Variants in MYOM1 observed in about 807,000 individuals in gnomAD.
The protein encoded by MYOM1 is myomesin-1.
Under a neutral mutation model 205.3 loss-of-function variants are expected in MYOM1, and 164 were observed. The observed-to-expected ratio is 0.80, with a 90% confidence interval of 0.70 to 0.91. The LOEUF is 0.91. Ranked by LOEUF, MYOM1 falls within the 40% of genes least tolerant of loss-of-function variation. The pLI is 0.00. For synonymous variants in MYOM1, 772 were observed against 789.4 expected, an observed-to-expected ratio of 0.98 and a Z score of 0.37; for missense variants, 2,011 against 2,127.3, an observed-to-expected ratio of 0.95 and a Z score of 1.08.
Position 3,140,982 on chromosome 18 carries a change from T to C in MYOM1, c.2025+957A>G, listed in dbSNP as rs115933885. The stretch of plus-strand genomic sequence containing the variant: ...TCTTACATATGGGATAAAATAAACT[T>C]ATTTTCTTTCATTTTCTCAATTATA... On this transcript the variant is annotated intron_variant, in intron 14 of 37. Transcript: ENST00000356443. Among the ~76,000 whole-genome samples the C allele has an allele frequency of 4.0e-3, 609 of 152,330 alleles. 2 individuals are homozygous for C. The highest frequency in any genetic ancestry group is 0.014 in the African/African-American group (579 of 41,572).
intron 37 of MYOM1, among the ~76,000 whole-genome samples, chr18:3,071,330 T>C (rs75819083): frequency 6.6e-6 from 1 of 152,154 alleles, no homozygotes; most frequent in Non-Finnish European, 1.5e-5. Flanking sequence ...TGCCGATGCT[T>C]GACCTATGAA....
intron 29 of MYOM1, among the ~76,000 whole-genome samples, chr18:3,088,819 C>T (rs919511064): frequency 7.9e-5 from 12 of 152,164 alleles, no homozygotes; most frequent in Non-Finnish European, 1.5e-4. Context: ...TGGCAAGGTC[C>T]ACGAAACATT....
In MYOM1 at chr18:3,188,878, G is replaced by T; in HGVS notation, c.641C>A (p.Ser214Tyr). 1 of 1,612,198 alleles carries T rather than the reference G, an allele frequency of 6.2e-7. No homozygotes were observed. Among genetic ancestry groups the T allele is most frequent in the Non-Finnish European group, 8.5e-7 (1 of 1,178,752 alleles). The change falls in exon 4 of 38, where the codon TCC (serine) becomes TAC (tyrosine). Residue 214 changes from serine (S) to tyrosine (Y), a missense_variant. By Grantham distance (144) the Ser-to-Tyr change is moderately radical (BLOSUM62 -2). Transcript: ENST00000356443. Reference protein sequence around the residue: ...ASKQSTASRQSTASRQSVVSK... With the variant: ...ASKQSTASRQYTASRQSVVSK... ...AACCACAGACTGCCTGGATGCCGTG[G>T]ACTGCCTGGATGCCGTGGACTGCTT... is the stretch of plus-strand genomic sequence containing the variant.
intron 14 of MYOM1, among the ~76,000 whole-genome samples, chr18:3,140,525 T>C (rs2080033630): frequency 6.6e-6 from 1 of 152,236 alleles, no homozygotes; most frequent in Non-Finnish European, 1.5e-5. Flanking sequence ...AAGATATCCA[T>C]ATTGCATGTA....
chr18:3,073,917 T>C (rs2078991389), intron 36 of MYOM1, among the ~76,000 whole-genome samples: 1 of 152,186 alleles, frequency 6.6e-6, no homozygotes, highest in Non-Finnish European at 1.5e-5. Flanking sequence ...GCCTCACCCT[T>C]CAATGTGTCC....
chr18:3,127,782 T>C (rs28416571), intron 18 of MYOM1, among the ~76,000 whole-genome samples: 2,155 of 152,354 alleles, frequency 0.014, 45 homozygotes, highest in African/African-American at 0.049. Context: ...CAATCTGCTA[T>C]GTGACTTTCT....
rs1248333888 is a variant in MYOM1, at chr18:3,116,189, A to G, written c.3303+142T>C. On this transcript the variant is annotated intron_variant, in intron 21 of 37. Coordinates refer to ENST00000356443, the MANE Select transcript of MYOM1 (RefSeq NM_003803.4). ...GCATCAGAAACTTCTCCCAGCCCCAACCTCTGCCAGTGGAATCTTACCAGG... is the reference window on the plus strand; with the variant it reads ...GCATCAGAAACTTCTCCCAGCCCCAGCCTCTGCCAGTGGAATCTTACCAGG... The G allele has an allele frequency of 8.3e-6, 7 of 843,910 alleles. No homozygotes were observed. The Admixed American group carries it at 1.4e-4, about 17-fold the overall frequency. 52.3% of individuals were successfully genotyped at this position (843,910 alleles called of 1,614,324 possible).
chr18:3,116,548 A>G (rs1008290777), intron 20 of MYOM1, 33 bp from the exon 21 acceptor site: 4 of 1,489,406 alleles, frequency 2.7e-6, no homozygotes, highest in African/African-American at 2.8e-5. Context: ...AGTAGAAATC[A>G]TAACAGAGAA....
Position 3,173,959 on chromosome 18 carries a change from C to A in MYOM1, c.1153G>T (p.Ala385Ser), listed in dbSNP as rs781718376. ...TTACAGCTGAGGGGCATGGTGGAAG[C>A]CCCAGCGTGGAAGCGAGTCTCATCA... Reference protein sequence around the residue: ...EFDETRFHAGASTMPLSFGVT... With the variant: ...EFDETRFHAGSSTMPLSFGVT... Residue 385 changes from alanine (A) to serine (S), a missense_variant, in exon 8 of 38, where the codon GCT becomes TCT. Coordinates refer to ENST00000356443, the MANE Select transcript of MYOM1 (RefSeq NM_003803.4). 5.0e-6 allele frequency: 8 copies of A among 1,613,176 alleles called. No homozygotes were observed. The East Asian group carries it at 1.8e-4, about 36-fold the overall frequency.
intron 21 of MYOM1, among the ~76,000 whole-genome samples, chr18:3,114,321 A>G (rs934211259): frequency 1.5e-4 from 23 of 151,742 alleles, no homozygotes; most frequent in Non-Finnish European, 2.9e-4. Context: ...GGCAATGACC[A>G]CTGGCCTCAA....
chr18:3,086,293 G>A, intron 29 of MYOM1, 142 bp from the exon 30 acceptor site: 3 of 494,300 alleles, frequency 6.1e-6, no homozygotes, highest in Non-Finnish European at 1.1e-5. Context: ...GGAATGAATT[G>A]AAAACTATTT....
In MYOM1 at chr18:3,129,413, T is replaced by C; in HGVS notation, c.2613A>G (p.Lys871=). 2 of 1,613,988 alleles carry C rather than the reference T, an allele frequency of 1.2e-6. No homozygotes were observed. The highest frequency in any genetic ancestry group is 2.7e-5 in the African/African-American group (2 of 75,052). The change falls in exon 18 of 38, where the codon AAA becomes AAG. Residue 871 remains lysine (K), a synonymous_variant. Coordinates refer to ENST00000356443, the MANE Select transcript of MYOM1 (RefSeq NM_003803.4). ...VHEASPPTFQ[K]DALLGSKPNK... is the part of the protein sequence containing the mutation. ...TAGGTTTGCTGCCAAGCAAAGCATC[T>C]TTCTGGAAGGTTGGCGGGGAGGCTT...
intron 1 of MYOM1, among the ~76,000 whole-genome samples, chr18:3,218,737 T>C (rs1417164211): frequency 6.6e-6 from 1 of 152,210 alleles, no homozygotes; most frequent in African/African-American, 2.4e-5. Flanking sequence ...TTCAAATAAA[T>C]AATAAAGAAA....
chr18:3,081,628 C>G (rs2079087505), intron 33 of MYOM1, among the ~76,000 whole-genome samples: 1 of 152,186 alleles, frequency 6.6e-6, no homozygotes, highest in African/African-American at 2.4e-5. Context: ...TTTTACTTCT[C>G]TCATTCTTCA....
rs373850763 is a variant in MYOM1, at chr18:3,083,817, C to T, written c.4456G>A (p.Glu1486Lys). ...TGGGACCAGTTAACTTTCAAATCCT[C>T]CACATAGTAAGTTACAAAAGAGTAC... ...QLYSFVTYYV[E>K]DLKVNWSHNG... The change falls in exon 33 of 38, where the codon GAG becomes AAG. Residue 1486 changes from glutamate (E) to lysine (K), a missense_variant. Transcript: ENST00000356443. 6 of 1,576,328 alleles carry T rather than the reference C, an allele frequency of 3.8e-6. No individual in the cohort carries two copies. The African/African-American group carries it at 6.7e-5, about 18-fold the overall frequency.
In MYOM1 at chr18:3,086,035, T is replaced by C. The variant is rs767263096; in HGVS notation, c.4251+3A>G. On this transcript the variant is annotated splice_donor_region_variant and intron_variant, in intron 30 of 37. Transcript: ENST00000356443. Reference sequence around the variant, plus strand: ...ATTACATTTTACATTTATAATCGCCTACCTCTGTTATAAGCAGGGTACATA... The same window carrying C: ...ATTACATTTTACATTTATAATCGCCCACCTCTGTTATAAGCAGGGTACATA... The C allele has an allele frequency of 2.9e-5, 46 of 1,562,824 alleles. 1 individual carries two copies. In the Admixed American group the frequency reaches 7.7e-4, roughly 26 times the overall value.
intron 13 of MYOM1, among the ~76,000 whole-genome samples, chr18:3,145,391 G>C (rs963324687): frequency 6.6e-6 from 1 of 150,820 alleles, no homozygotes; most frequent in African/African-American, 2.4e-5. Context: ...CATAAAACAA[G>C]TTCAAGAAAA....
chr18:3,155,334 G>C (rs1301732057), intron 10 of MYOM1, among the ~76,000 whole-genome samples: 1 of 152,170 alleles, frequency 6.6e-6, no homozygotes, highest in Non-Finnish European at 1.5e-5. Context: ...CCATTCTCCT[G>C]CCTCAGCCTC....
intron 32 of MYOM1, 41 bp downstream of exon 32, chr18:3,083,948 G>A: frequency 6.3e-7 from 1 of 1,582,128 alleles, no homozygotes; most frequent in Non-Finnish European, 8.6e-7. Flanking sequence ...CCTGGCAGGA[G>A]GATCATAAAG....
Sources: allele counts gnomAD v4.1 joint callset (sites outside exome capture counted in the v4.1 genomes callset), GRCh38; gene constraint gnomAD v4.1.1; transcripts MANE v1.5; gene names NCBI Gene and HGNC (gene_info 2026-07-23, HGNC 2026-07-21).